Variants in SORCS3 observed in about 807,000 individuals in gnomAD.
SORCS3 encodes the protein sortilin related VPS10 domain containing receptor 3, also known as VPS10 domain-containing receptor SorCS3.
A neutral mutation model predicts 146.3 loss-of-function variants in SORCS3; 57 were observed. That is an observed-to-expected ratio of 0.39 (90% CI 0.31 to 0.49). The LOEUF is 0.49. SORCS3 is among the 20% of genes least tolerant of loss of function. The probability of loss-of-function intolerance (pLI) is 0.92; values close to 1 mark genes in which losing one functional copy is unlikely to be tolerated. For synonymous variants in SORCS3, 653 were observed against 618.5 expected (o/e 1.06, Z -0.83); for missense variants, 1,341 against 1,575.5 (o/e 0.85, Z 2.52).
At chr10:105,058,081 A>T (rs2055458048) in intron 5 of SORCS3, among the ~76,000 whole-genome samples, 1 of 152,124 alleles carries the variant, frequency 6.6e-6, no homozygotes, top group Non-Finnish European at 1.5e-5. Flanking sequence ...TGTTGAAGAG[A>T]GCTGTCAAGT....
chr10:104,950,707 T>A (rs2019419737), intron 3 of SORCS3, among the ~76,000 whole-genome samples: 1 of 152,156 alleles, frequency 6.6e-6, no homozygotes, highest in African/African-American at 2.4e-5. Flanking sequence ...CCGGGGAAAT[T>A]CTGTCTTAAA....
At chr10:105,249,149 A>AT (rs1263244707) in intron 22 of SORCS3, among the ~76,000 whole-genome samples, 2 of 152,240 alleles carry the variant, frequency 1.3e-5, no homozygotes, top group Non-Finnish European at 2.9e-5. Flanking sequence ...AAATTCTCTG[A>AT]TAACAAGAGC....
At chr10:104,747,416 C>A (rs996097716) in intron 1 of SORCS3, among the ~76,000 whole-genome samples, 1 of 152,140 alleles carries the variant, frequency 6.6e-6, no homozygotes, top group African/African-American at 2.4e-5. Flanking sequence ...TGCTTCTCAG[C>A]TCTAGTGAGG....
chr10:105,169,689 A>AT, intron 13 of SORCS3, among the ~76,000 whole-genome samples: 1 of 152,132 alleles, frequency 6.6e-6, no homozygotes, highest in South Asian at 2.1e-4. Flanking sequence ...CTGGTAGGTA[A>AT]TTTTTTCTGC....
At chr10:105,092,428 A>C (rs1175643147) in intron 6 of SORCS3, among the ~76,000 whole-genome samples, 1 of 152,146 alleles carries the variant, frequency 6.6e-6, no homozygotes, top group African/African-American at 2.4e-5. Flanking sequence ...ATCAATTTTT[A>C]ATAGCTAAAA....
intron 16 of SORCS3, among the ~76,000 whole-genome samples, chr10:105,206,953 G>A (rs894562844): frequency 6.6e-6 from 1 of 152,114 alleles, no homozygotes; most frequent in East Asian, 1.9e-4. Context: ...AATCAGGGAG[G>A]CTGTGATATG....
rs2056320410 is a variant in SORCS3, at chr10:105,167,141, G to C, written c.1810-117G>C. 4.2e-6 allele frequency: 3 copies of C among 721,950 alleles called. No homozygotes were observed. The Admixed American group carries it at 8.5e-5, about 20-fold the overall frequency. The allele number at this position is 721,950 out of a possible 1,614,324, so 44.7% of individuals were successfully genotyped here. A position where few individuals can be genotyped will look rare whatever the true frequency, so the allele number is the denominator to read the frequency against. ...ATACTTGCAAAAACTATCTGATAGT[G>C]CTGTTGGAAGGCTCAGAACCTAGAT... is the stretch of plus-strand genomic sequence containing the variant. On this transcript the variant is annotated intron_variant, in intron 12 of 26. Transcript: ENST00000369701.
At chr10:104,975,390 A>G (rs1417046405) in intron 3 of SORCS3, among the ~76,000 whole-genome samples, 4 of 152,080 alleles carry the variant, frequency 2.6e-5, no homozygotes, top group Non-Finnish European at 5.9e-5. Flanking sequence ...ACTACAAACC[A>G]CTGCTCAATG....
At chr10:105,261,967 C>G (rs1048941980) in intron 25 of SORCS3, among the ~76,000 whole-genome samples, 3 of 152,328 alleles carry the variant, frequency 2.0e-5, no homozygotes, top group Non-Finnish European at 4.4e-5. Flanking sequence ...GGTGTCTTTT[C>G]ACTCTGTACA....
intron 12 of SORCS3, among the ~76,000 whole-genome samples, chr10:105,166,088 G>T (rs1489314650): frequency 6.6e-6 from 1 of 152,086 alleles, no homozygotes; most frequent in Non-Finnish European, 1.5e-5. Context: ...ATCACCCTTA[G>T]GTCCTTTGTG....
intron 1 of SORCS3, among the ~76,000 whole-genome samples, chr10:104,792,958 C>T (rs2017512226): frequency 6.6e-6 from 1 of 152,094 alleles, no homozygotes; most frequent in Non-Finnish European, 1.5e-5. Context: ...GGTCTCACTG[C>T]ACCAATATTA....
chr10:105,038,680 C>T (rs1019386442), intron 4 of SORCS3, among the ~76,000 whole-genome samples: 1 of 152,098 alleles, frequency 6.6e-6, no homozygotes, highest in Non-Finnish European at 1.5e-5. Context: ...GAGGCGACCA[C>T]TGCTAAAATT....
chr10:104,824,177 A>G (rs191721943), intron 1 of SORCS3, among the ~76,000 whole-genome samples: 2 of 152,286 alleles, frequency 1.3e-5, no homozygotes, highest in Admixed American at 6.5e-5. Flanking sequence ...GTTATTTTAA[A>G]TTCGTGGTAA....
At chr10:104,832,889 C>T (rs2133538553) in intron 1 of SORCS3, among the ~76,000 whole-genome samples, 1 of 152,324 alleles carries the variant, frequency 6.6e-6, no homozygotes, top group African/African-American at 2.4e-5. Flanking sequence ...TAAGGAGAGA[C>T]ATCACTCACA....
intron 12 of SORCS3, 65 bp downstream of exon 12, chr10:105,164,444 C>T (rs2056295493): frequency 9.2e-7 from 1 of 1,084,578 alleles, no homozygotes; most frequent in African/African-American, 1.5e-5. Context: ...TCTCTCTCTC[C>T]ATCCTATAGA....
intron 2 of SORCS3, among the ~76,000 whole-genome samples, chr10:104,910,390 A>G (rs2018954473): frequency 6.6e-6 from 1 of 152,226 alleles, no homozygotes; most frequent in East Asian, 1.9e-4. Flanking sequence ...ACGCATAAGA[A>G]TGTTTGTTGT....
intron 3 of SORCS3, among the ~76,000 whole-genome samples, chr10:104,946,527 T>C (rs116470096): frequency 0.011 from 1,625 of 152,336 alleles, 27 homozygotes; most frequent in African/African-American, 0.037. Flanking sequence ...GGAGCTTTCA[T>C]GAGGAGGCAG....
intron 1 of SORCS3, among the ~76,000 whole-genome samples, chr10:104,724,053 G>A (rs2016588538): frequency 6.6e-6 from 1 of 152,172 alleles, no homozygotes. Flanking sequence ...ATTAGTTGAT[G>A]CAGTTTCTTC....
chr10:105,037,943 T>C (rs2055316798), intron 4 of SORCS3, among the ~76,000 whole-genome samples: 4 of 152,234 alleles, frequency 2.6e-5, no homozygotes, highest in Admixed American at 2.6e-4. Context: ...GATGCTTTTC[T>C]CTGGCAGGCC....
Sources: allele counts gnomAD v4.1 joint callset (sites outside exome capture counted in the v4.1 genomes callset), GRCh38; gene constraint gnomAD v4.1.1; transcripts MANE v1.5; gene names NCBI Gene and HGNC (gene_info 2026-07-23, HGNC 2026-07-21).